Variants in IL3RA observed in about 807,000 individuals in gnomAD.
IL3RA encodes the protein interleukin 3 receptor subunit alpha, also known as interleukin-3 receptor subunit alpha.
IL3RA carries 73 observed loss-of-function variants against 52.3 expected under a neutral mutation model. The ratio of observed to expected loss-of-function variants is 1.40; its 90% CI spans 1.16 to 1.70. The LOEUF is 1.70. Ranked by LOEUF, IL3RA falls within the 40% of genes most tolerant of loss-of-function variation. The pLI is 0.00. For missense variants in IL3RA, 664 were observed against 504.4 expected (o/e 1.32, Z -3.03); for synonymous variants, 260 against 194.0 (o/e 1.34, Z -2.83).
chrX:1,378,658 G>A lies in IL3RA; in HGVS notation c.875-1G>A, dbSNP rs2088968270. The A allele has an allele frequency of 1.2e-5, 20 of 1,611,924 alleles. No homozygotes were observed. Among genetic ancestry groups the A allele is most frequent in the Non-Finnish European group, 1.6e-5 (19 of 1,179,654 alleles). On this transcript the variant is annotated splice_acceptor_variant, in intron 9 of 11. Coordinates refer to ENST00000331035, the MANE Select transcript of IL3RA (RefSeq NM_002183.4). LOFTEE classifies it high-confidence loss of function. ...GTGACCCTCTCACCCTTTACCCCTAGAGTGCGACCAGGAGGAGGGCGCAAA... is the reference window on the plus strand; with the variant it reads ...GTGACCCTCTCACCCTTTACCCCTAAAGTGCGACCAGGAGGAGGGCGCAAA...
chrX:1,382,477 A>C lies in IL3RA; in HGVS notation c.*12A>C. 1.2e-6 allele frequency: 2 copies of C among 1,613,232 alleles called. No individual in the cohort carries two copies. Among genetic ancestry groups the C allele is most frequent in the Non-Finnish European group, 1.7e-6 (2 of 1,179,284 alleles). On this transcript the variant is annotated 3_prime_UTR_variant, in exon 12 of 12. Transcript: ENST00000331035. ...TGCAGAAAACTTGAGACTGGGGTTC[A>C]GGGCTTGTGGGGGTCTGCCTCAATC... is the stretch of plus-strand genomic sequence containing the variant.
intron 8 of IL3RA, among the ~76,000 whole-genome samples, 193 bp downstream of exon 8, chrX:1,359,080 C>T (rs1482587751): frequency 1.3e-5 from 2 of 151,876 alleles, no homozygotes; most frequent in African/African-American, 2.4e-5. Flanking sequence ...ACCCTTACTG[C>T]GATCTTGCAA....
intron 8 of IL3RA, 89 bp downstream of exon 8, chrX:1,358,976 ATAAT>A: frequency 1.1e-6 from 1 of 883,178 alleles, no homozygotes; most frequent in Non-Finnish European, 1.6e-6. Flanking sequence ...AAAAATATTA[ATAAT>A]TCTTATTAAT....
chrX:1,358,819 A>C, intron 7 of IL3RA, 42 bp from the exon 8 acceptor site: 1 of 1,611,560 alleles, frequency 6.2e-7, no homozygotes, highest in Non-Finnish European at 8.5e-7. Context: ...GCTTTCAGGG[A>C]CGGTCCAGAC....
chrX:1,356,366 C>T (rs776305451), intron 7 of IL3RA, 30 bp downstream of exon 7: 3 of 1,430,776 alleles, frequency 2.1e-6, no homozygotes, highest in South Asian at 1.2e-5. Context: ...CCAGCCCCCC[C>T]ACCCCCGTGG....
At chrX:1,373,908 T>C (rs1439877519) in intron 9 of IL3RA, among the ~76,000 whole-genome samples, 1 of 55,324 alleles carries the variant, frequency 1.8e-5, no homozygotes, top group Non-Finnish European at 2.9e-5. Context: ...TGCCCACACC[T>C]GGATCTCAGA....
chrX:1,359,826 C>T (rs1395829873), intron 8 of IL3RA, among the ~76,000 whole-genome samples: 2 of 149,704 alleles, frequency 1.3e-5, no homozygotes, highest in South Asian at 2.2e-4. Context: ...CTCTCTCTCT[C>T]TCCTGGTCTC....
In IL3RA at chrX:1,382,445, C is replaced by CA; in HGVS notation, c.1118dup (p.Val374GlyfsTer54). On this transcript the variant is annotated frameshift_variant, in exon 12 of 12. Coordinates refer to ENST00000331035, the MANE Select transcript of IL3RA (RefSeq NM_002183.4). LOFTEE classifies it high-confidence loss of function. ...GGAGGAGTGTCTGGTGACTGAAGTA[C>CA]AGGTCGTGCAGAAAACTTGAGACTG... 1 of 1,613,886 alleles carries CA rather than the reference C, an allele frequency of 6.2e-7. No homozygotes were observed. Among genetic ancestry groups the CA allele is most frequent in the Non-Finnish European group, 8.5e-7 (1 of 1,179,836 alleles).
At chrX:1,359,758 GTC>G (rs1425962045) in intron 8 of IL3RA, among the ~76,000 whole-genome samples, 1 of 120,378 alleles carries the variant, frequency 8.3e-6, no homozygotes, top group Admixed American at 8.4e-5. Flanking sequence ...CTGTGTCTCT[GTC>G]TCTCCCTCTC....
At chrX:1,346,048 C>T (rs1179448941) in intron 3 of IL3RA, among the ~76,000 whole-genome samples, 10 of 151,914 alleles carry the variant, frequency 6.6e-5, no homozygotes, top group African/African-American at 2.2e-4. Flanking sequence ...GGCGTGGTGG[C>T]TCACGTCTGT....
chrX:1,382,275 A>ATGACAGGCGTGAGC, intron 11 of IL3RA, 116 bp from the exon 12 acceptor site: 1 of 702,582 alleles, frequency 1.4e-6, no homozygotes, highest in Non-Finnish European at 2.5e-6. Flanking sequence ...CAGGCGTGAG[A>ATGACAGGCGTGAGC]CACCATGCCT....
chrX:1,351,954 T>TG, intron 4 of IL3RA, 146 bp from the exon 5 acceptor site: 1 of 1,006,642 alleles, frequency 9.9e-7, no homozygotes, highest in South Asian at 1.7e-5. Context: ...TAGTAGAGAT[T>TG]GGGTTTCTCC....
At chrX:1,378,621 G>T (rs376353335) in intron 9 of IL3RA, 38 bp from the exon 10 acceptor site, 20 of 1,564,256 alleles carry the variant, frequency 1.3e-5, no homozygotes, top group Non-Finnish European at 1.8e-5. Flanking sequence ...CCCCCAGGAC[G>T]GCCCCCGGTC....
At position 1,365,319 on chromosome X, in the gene IL3RA, C is replaced by A. The variant is rs184126542; in HGVS notation, c.874+67C>A. The A allele has an allele frequency of 0.018, 11,803 of 667,876 alleles. 399 individuals are homozygous for A. Among genetic ancestry groups the A allele is most frequent in the East Asian group, 0.13 (2,471 of 18,638 alleles). 41.4% of individuals were successfully genotyped at this position (667,876 alleles called of 1,614,324 possible). A position where few individuals can be genotyped will look rare whatever the true frequency, so the allele number is the denominator to read the frequency against. On this transcript the variant is annotated intron_variant, in intron 9 of 11. Transcript: ENST00000331035. ...CGGGGTGCGCGGGGTGAGCGGGGTG[C>A]GCGGGGTGAGCGGGGTGCGCGGGGT...
At chrX:1,343,336 C>G (rs1156489333) in intron 2 of IL3RA, among the ~76,000 whole-genome samples, 2 of 151,950 alleles carry the variant, frequency 1.3e-5, no homozygotes, top group African/African-American at 4.8e-5. Context: ...ATGTATGTTT[C>G]TAGCTTTGGG....
At chrX:1,360,478 CTCTCTGTA>C (rs1482826057) in intron 8 of IL3RA, among the ~76,000 whole-genome samples, 10 of 151,898 alleles carry the variant, frequency 6.6e-5, no homozygotes, top group South Asian at 2.1e-4. Flanking sequence ...CTCTCCCAGT[CTCTCTGTA>C]TCTCTGTATC....
At chrX:1,355,446 A>G in intron 6 of IL3RA, among the ~76,000 whole-genome samples, 1 of 61,284 alleles carries the variant, frequency 1.6e-5, no homozygotes, top group African/African-American at 6.5e-5. Context: ...GAGGGGAGAA[A>G]GACCAGGAGG....
intron 8 of IL3RA, among the ~76,000 whole-genome samples, chrX:1,364,826 A>ATTTATTTG (rs2087788902): frequency 6.6e-6 from 1 of 151,378 alleles, no homozygotes; most frequent in Admixed American, 6.6e-5. Flanking sequence ...TTATTTATTT[A>ATTTATTTG]GAGACAGAGT....
In IL3RA at chrX:1,351,500, TG is replaced by T. The variant is rs1167722281; in HGVS notation, c.299-599del. On this transcript the variant is annotated intron_variant, in intron 4 of 11. Coordinates refer to ENST00000331035, the MANE Select transcript of IL3RA (RefSeq NM_002183.4). Reference sequence around the variant, plus strand: ...CCCGACATCACGCCCGGCTAATTTTTGTATTTTTAGTAGAGGCAGGGTTTCA... The same window carrying T: ...CCCGACATCACGCCCGGCTAATTTTTTATTTTTAGTAGAGGCAGGGTTTCA... Among the ~76,000 whole-genome samples the T allele has an allele frequency of 7.4e-5, 11 of 148,356 alleles. No individual in the cohort carries two copies. The East Asian group carries it at 8.0e-4, about 11-fold the overall frequency.
Sources: allele counts gnomAD v4.1 joint callset (sites outside exome capture counted in the v4.1 genomes callset), GRCh38; gene constraint gnomAD v4.1.1; transcripts MANE v1.5; gene names NCBI Gene and HGNC (gene_info 2026-07-23, HGNC 2026-07-21).